The following ATP13A5 variants were observed in gnomAD, a reference collection of about 807,000 sequenced individuals.
ATP13A5 encodes probable cation-transporting ATPase 13A5.
In ATP13A5, 149 loss-of-function variants were observed where a neutral mutation model predicts 150.2. The ratio of observed to expected loss-of-function variants is 0.99; its 90% CI spans 0.87 to 1.14. ATP13A5 has a LOEUF of 1.14. Among genes scored for constraint, ATP13A5 ranks in the 50% most tolerant of loss-of-function variants. The pLI is 0.00. For synonymous variants in ATP13A5, 497 were observed against 522.2 expected, an observed-to-expected ratio of 0.95 and a Z score of 0.66; for missense variants, 1,383 against 1,449.3, an observed-to-expected ratio of 0.95 and a Z score of 0.74.
chr3:193,355,483 T>C (rs1712746492), intron 5 of ATP13A5, among the ~76,000 whole-genome samples: 1 of 152,130 alleles, frequency 6.6e-6, no homozygotes, highest in Non-Finnish European at 1.5e-5. Flanking sequence ...ATGGGGAGAA[T>C]CTGCATGAGA....
intron 16 of ATP13A5, among the ~76,000 whole-genome samples, chr3:193,319,342 G>A (rs1719174638): frequency 6.6e-6 from 1 of 152,212 alleles, no homozygotes; most frequent in Non-Finnish European, 1.5e-5. Flanking sequence ...TGGATGGAAT[G>A]TGTCCCTCCA....
intron 25 of ATP13A5, among the ~76,000 whole-genome samples, chr3:193,290,591 A>G (rs143601390): frequency 1.7e-4 from 26 of 152,300 alleles, no homozygotes; most frequent in African/African-American, 6.0e-4. Flanking sequence ...CTAGAGATGC[A>G]TTAAGTATCT....
At chr3:193,289,432 A>T (rs978849947) in intron 26 of ATP13A5, among the ~76,000 whole-genome samples, 2 of 152,092 alleles carry the variant, frequency 1.3e-5, no homozygotes, top group African/African-American at 2.4e-5. Context: ...GCCAAATCTG[A>T]TTCATCACCT....
chr3:193,307,293 G>A (rs781751213), intron 22 of ATP13A5, 34 bp downstream of exon 22: 27 of 1,613,174 alleles, frequency 1.7e-5, no homozygotes, highest in Non-Finnish European at 2.3e-5. Flanking sequence ...ATATTAGTGA[G>A]TGGCTTGTCT....
chr3:193,356,626 T>C (rs991024830), intron 5 of ATP13A5, among the ~76,000 whole-genome samples: 1 of 152,060 alleles, frequency 6.6e-6, no homozygotes, highest in Non-Finnish European at 1.5e-5. Context: ...CATAAAGCAT[T>C]TAGTTCTCAA....
At position 193,314,951 on chromosome 3, in the gene ATP13A5, C is replaced by G. The variant is rs750407269; in HGVS notation, c.2158+21G>C. ...CCTAGGATACAATCAACTTGCCAGG[C>G]CCCTAGAAACAAATACATACCTGTA... is the stretch of plus-strand genomic sequence containing the variant. On this transcript the variant is annotated intron_variant, in intron 18 of 29. Transcript: ENST00000342358. The G allele has an allele frequency of 6.8e-6, 11 of 1,608,062 alleles. No individual in the cohort carries two copies. The South Asian group carries it at 1.2e-4, about 18-fold the overall frequency.
At chr3:193,331,458 T>C in intron 11 of ATP13A5, 147 bp from the exon 12 acceptor site, 2 of 693,226 alleles carry the variant, frequency 2.9e-6, no homozygotes, top group South Asian at 5.6e-5. Flanking sequence ...ACCCCTTTCC[T>C]GGTTCTGTTT....
chr3:193,364,128 G>T lies in ATP13A5; in HGVS notation c.216C>A (p.Asp72Glu). Residue 72 changes from aspartate to glutamate, a missense_variant, in exon 2 of 30, where the codon GAC becomes GAA. Asp to Glu is a conservative substitution (Grantham distance 45, BLOSUM62 2). Coordinates refer to ENST00000342358, the MANE Select transcript of ATP13A5 (RefSeq NM_198505.4). ...NCIPCPLQEA[D>E]TVLLRTTDEF... ...GCACTGTTGTCCTCAGCAAAACAGT[G>T]TCTGCTTCTTGCAAGGGGCATGGGA... 6.2e-7 allele frequency: 1 copy of T among 1,614,036 alleles called. No individual in the cohort carries two copies. The highest frequency in any genetic ancestry group is 8.5e-7 in the Non-Finnish European group (1 of 1,179,952).
chr3:193,377,168 A>T (rs112433607), intron 1 of ATP13A5, among the ~76,000 whole-genome samples: 2 of 152,222 alleles, frequency 1.3e-5, no homozygotes, highest in Non-Finnish European at 2.9e-5. Flanking sequence ...GTAATTTTTC[A>T]TGCACTCTTA....
chr3:193,291,845 G>A lies in ATP13A5; in HGVS notation c.2849-1786C>T, dbSNP rs1189420991. Among the ~76,000 whole-genome samples, 5 of 152,008 alleles carry A rather than the reference G, an allele frequency of 3.3e-5. No homozygotes were observed. The East Asian group carries it at 9.7e-4, about 29-fold the overall frequency. ...TCTCTCTTGTTTGAGACCCCTAATA[G>A]ACCTTACCCTAGGTGTCTCTTCCTT... is the stretch of plus-strand genomic sequence containing the variant. On this transcript the variant is annotated intron_variant, in intron 25 of 29. Coordinates refer to ENST00000342358, the MANE Select transcript of ATP13A5 (RefSeq NM_198505.4).
At chr3:193,329,496 T>C (rs188927093) in intron 12 of ATP13A5, among the ~76,000 whole-genome samples, 2 of 152,196 alleles carry the variant, frequency 1.3e-5, no homozygotes. Flanking sequence ...CAGTTGAATA[T>C]GTAATGAACA....
intron 1 of ATP13A5, among the ~76,000 whole-genome samples, chr3:193,370,437 G>A (rs1440325686): frequency 6.6e-6 from 1 of 152,166 alleles, no homozygotes; most frequent in East Asian, 1.9e-4. Context: ...AAATGTGACT[G>A]CTTGTAAAAT....
intron 5 of ATP13A5, 67 bp downstream of exon 5, chr3:193,362,314 G>A (rs569358716): frequency 3.6e-6 from 5 of 1,371,204 alleles, no homozygotes; most frequent in South Asian, 2.4e-5. Context: ...ATGCACTGAT[G>A]ATAACTGATT....
intron 7 of ATP13A5, 36 bp from the exon 8 acceptor site, chr3:193,345,111 GT>G: frequency 1.3e-6 from 2 of 1,583,134 alleles, no homozygotes; most frequent in Non-Finnish European, 1.7e-6. Flanking sequence ...ACATTAGATA[GT>G]TCATGTTCTG....
Position 193,333,842 on chromosome 3 carries a change from G to T in ATP13A5, c.1180C>A (p.Leu394Ile). Reference protein sequence around the residue: ...ILYPRPLNFKLYSDAFKFIVF... With the variant: ...ILYPRPLNFKIYSDAFKFIVF... ...ATGAACTTGAAGGCATCGCTGTATA[G>T]TTTGAAGTTCAGAGGCCGGGGGTAC... is the stretch of plus-strand genomic sequence containing the variant. The change falls in exon 11 of 30, where the codon CTA (leucine) becomes ATA (isoleucine). Residue 394 changes from leucine (L) to isoleucine (I), a missense_variant. Leu to Ile is a conservative substitution (Grantham distance 5). Coordinates refer to ENST00000342358, the MANE Select transcript of ATP13A5 (RefSeq NM_198505.4). The T allele has an allele frequency of 1.2e-6, 2 of 1,613,984 alleles. No homozygotes were observed. The highest frequency in any genetic ancestry group is 1.7e-6 in the Non-Finnish European group (2 of 1,179,876).
intron 5 of ATP13A5, 26 bp downstream of exon 5, chr3:193,362,355 C>T (rs755507739): frequency 2.5e-6 from 4 of 1,593,840 alleles, no homozygotes; most frequent in African/African-American, 1.3e-5. Context: ...GCAGAGTTTA[C>T]TCTTAAGGCA....
intron 9 of ATP13A5, among the ~76,000 whole-genome samples, chr3:193,338,780 T>G (rs183697622): frequency 6.6e-6 from 1 of 152,194 alleles, no homozygotes; most frequent in Admixed American, 6.5e-5. Flanking sequence ...CCTCTTTTTC[T>G]AGTGATTGGA....
chr3:193,315,234 C>A, intron 17 of ATP13A5, 138 bp from the exon 18 acceptor site: 4 of 892,008 alleles, frequency 4.5e-6, no homozygotes, highest in Non-Finnish European at 4.8e-6. Context: ...AACTTAAAAG[C>A]TTATAATGAA....
chr3:193,275,829 C>T (rs779435563), intron 29 of ATP13A5, among the ~76,000 whole-genome samples: 5 of 152,074 alleles, frequency 3.3e-5, no homozygotes, highest in Non-Finnish European at 7.4e-5. Context: ...TTTATTTATG[C>T]TAAACTTTCT....
Sources: gnomAD v4.1 joint callset for allele counts (sites outside exome capture counted in the v4.1 genomes callset) on GRCh38, gnomAD v4.1.1 for gene constraint, MANE v1.5 for transcripts, NCBI Gene and HGNC (gene_info 2026-07-23, HGNC 2026-07-21) for gene names.